MANBA: variants seen among roughly 807,000 people sequenced by gnomAD.
MANBA encodes the protein mannosidase beta.
A neutral mutation model predicts 111.1 loss-of-function variants in MANBA; 83 were observed. The observed-to-expected ratio is 0.75, with a 90% CI of 0.63 to 0.90. The LOEUF (loss-of-function observed/expected upper bound fraction) is 0.90. Ranked by LOEUF, MANBA falls within the 40% of genes least tolerant of loss-of-function variation. MANBA has a pLI of 0.00. For missense variants in MANBA, 1,036 were observed against 1,069.0 expected (o/e 0.97, Z 0.43); for synonymous variants, 370 against 378.7 (o/e 0.98, Z 0.27).
chr4:102,734,628 G>C lies in MANBA; in HGVS notation c.178-7945C>G, dbSNP rs1011410572. 38 of 1,569,980 alleles carry C rather than the reference G, an allele frequency of 2.4e-5. No individual in the cohort carries two copies. The South Asian group carries it at 3.6e-4, about 15-fold the overall frequency. The stretch of plus-strand genomic sequence containing the variant: ...GAAGAAGCGGTAGAAGAGGAGGCCC[G>C]AGGAGCCAGACAGGCAGGGAGAGGG... On this transcript the variant is annotated intron_variant, in intron 1 of 16. Transcript: ENST00000647097.
At chr4:102,687,093 CCTGCCTGTTCAGAGG>C (rs1176576730) in intron 7 of MANBA, among the ~76,000 whole-genome samples, 1 of 152,068 alleles carries the variant, frequency 6.6e-6, no homozygotes, top group Non-Finnish European at 1.5e-5. Context: ...ACAGAGTTGC[CCTGCCTGTTCAGAGG>C]CTGCCTGTTC....
rs1180343470 is a variant in MANBA, at chr4:102,631,313, C to T, written c.*744G>A. The T allele has an allele frequency of 6.4e-6, 1 of 155,224 alleles. No individual in the cohort carries two copies. The highest frequency in any genetic ancestry group is 1.9e-4 in the East Asian group (1 of 5,262). 9.6% of individuals were successfully genotyped at this position (155,224 alleles called of 1,614,324 possible). ...ACTCTTTGCTGGTCCATTCTATAAC[C>T]AATTACATGACTGTTTCCAGAGAAA... On this transcript the variant is annotated 3_prime_UTR_variant, in exon 17 of 17. Transcript: ENST00000647097.
intron 12 of MANBA, among the ~76,000 whole-genome samples, chr4:102,656,983 A>C (rs911480748): frequency 6.6e-6 from 1 of 152,250 alleles, no homozygotes; most frequent in South Asian, 2.1e-4. Flanking sequence ...AGTGATAAAA[A>C]TGTTCTAAAA....
In MANBA at chr4:102,639,775, G is replaced by A. The variant is rs774565122; in HGVS notation, c.1952C>T (p.Thr651Met). 3.1e-6 allele frequency: 5 copies of A among 1,613,950 alleles called. No homozygotes were observed. Among genetic ancestry groups the A allele is most frequent in the Admixed American group, 1.7e-5 (1 of 59,986 alleles). The change falls in exon 14 of 17, where the codon ACG (threonine) becomes ATG (methionine). Residue 651 changes from threonine to methionine, a missense_variant. By Grantham distance (81) the Thr-to-Met change is moderately conservative. Transcript: ENST00000647097. Reference protein sequence around the residue: ...RSEIVDQQGHTMGALYWQLND... With the variant: ...RSEIVDQQGHMMGALYWQLND... Reference sequence around the variant, plus strand: ...CAACTGCCAATAAAGTGCCCCCATCGTGTGCCCTTGCTGATCCACTATCTC... The same window carrying A: ...CAACTGCCAATAAAGTGCCCCCATCATGTGCCCTTGCTGATCCACTATCTC...
rs1553948361 is a variant in MANBA at position 102,690,714 on chromosome 4, G to C, written c.731C>G (p.Ser244Ter). Residue 244 changes from serine (S) to a stop codon, truncating the protein, a stop_gained, in exon 6 of 17, where the codon TCA (serine) becomes TGA (stop). Transcript: ENST00000647097. LOFTEE classifies it high-confidence loss of function. ...EIESTFDVVS[S>*]KPVGGQVIVA... Reference sequence around the variant, plus strand: ...GATCACTTGACCACCAACTGGCTTTGAGCTGACAACATCAAATGTAGACTC... The same window carrying C: ...GATCACTTGACCACCAACTGGCTTTCAGCTGACAACATCAAATGTAGACTC... 5 of 1,606,270 alleles carry C rather than the reference G, an allele frequency of 3.1e-6. No homozygotes were observed. The highest frequency in any genetic ancestry group is 3.4e-6 in the Non-Finnish European group (4 of 1,175,130).
Position 102,632,188 on chromosome 4 carries a change from C to A in MANBA, c.2509G>T (p.Gly837Trp). Reference sequence around the variant, plus strand: ...AGGAAACCATTGTCACTAAATCTCCCTGGGATGCTTCCTACATCCAACCAA... The same window carrying A: ...AGGAAACCATTGTCACTAAATCTCCATGGGATGCTTCCTACATCCAACCAA... Reference protein sequence around the residue: ...FVWLDVGSIPGRFSDNGFLMT... With the variant: ...FVWLDVGSIPWRFSDNGFLMT... The change falls in exon 17 of 17, where the codon GGG becomes TGG. Residue 837 changes from glycine to tryptophan, a missense_variant. Coordinates refer to ENST00000647097, the MANE Select transcript of MANBA (RefSeq NM_005908.4). The A allele has an allele frequency of 1.2e-6, 2 of 1,613,406 alleles. No individual in the cohort carries two copies. Among genetic ancestry groups the A allele is most frequent in the Non-Finnish European group, 1.7e-6 (2 of 1,179,336 alleles).
intron 13 of MANBA, among the ~76,000 whole-genome samples, chr4:102,650,234 T>C (rs1730269128): frequency 6.6e-6 from 1 of 152,234 alleles, no homozygotes; most frequent in Non-Finnish European, 1.5e-5. Context: ...ATTGTTCTAT[T>C]TTATCCTTGG....
chr4:102,728,257 G>A (rs1222917773), intron 1 of MANBA: 23 of 536,424 alleles, frequency 4.3e-5, no homozygotes, highest in Admixed American at 7.7e-5. Flanking sequence ...CAAATGCCCA[G>A]GCACCCTGTT....
At chr4:102,651,585 A>C (rs1730335685) in intron 12 of MANBA, among the ~76,000 whole-genome samples, 1 of 152,150 alleles carries the variant, frequency 6.6e-6, no homozygotes, top group African/African-American at 2.4e-5. Flanking sequence ...CTTTGAAAAA[A>C]CATACTCTGC....
Position 102,760,952 on chromosome 4 carries a change from C to A in MANBA, c.-58G>T. On this transcript the variant is annotated 5_prime_UTR_variant, in exon 1 of 17. Coordinates refer to ENST00000647097, the MANE Select transcript of MANBA (RefSeq NM_005908.4). ...ATCGAAAGGCAGCGCTGCAAGGGACCGGCGGTGAAGCCACTCACCCCCTCG... is the reference window on the plus strand; with the variant it reads ...ATCGAAAGGCAGCGCTGCAAGGGACAGGCGGTGAAGCCACTCACCCCCTCG... 6.7e-7 allele frequency: 1 copy of A among 1,494,414 alleles called. No homozygotes were observed. Among genetic ancestry groups the A allele is most frequent in the Non-Finnish European group, 9.0e-7 (1 of 1,109,356 alleles). The allele number at this position is 1,494,414 out of a possible 1,614,324, so 92.6% of individuals were successfully genotyped here.
At chr4:102,751,421 T>A (rs1723787460) in intron 1 of MANBA, 2 of 480,982 alleles carry the variant, frequency 4.2e-6, no homozygotes, top group Non-Finnish European at 8.4e-6. Flanking sequence ...TCCAAACACA[T>A]TTCTACACCG....
chr4:102,704,060 A>G (rs1048018366), intron 5 of MANBA, among the ~76,000 whole-genome samples: 2 of 151,806 alleles, frequency 1.3e-5, no homozygotes, highest in South Asian at 2.1e-4. Context: ...GCGCCACTGC[A>G]CTCCAGCCTG....
At chr4:102,635,076 G>C (rs751016637) in intron 15 of MANBA, 31 bp from the exon 16 acceptor site, 1 of 1,611,746 alleles carries the variant, frequency 6.2e-7, no homozygotes, top group Non-Finnish European at 8.5e-7. Flanking sequence ...ATAAAAACAG[G>C]CATTCTTGGT....
rs190426297 is a variant in MANBA at position 102,712,235 on chromosome 4, T to A, written c.673+2203A>T. On this transcript the variant is annotated intron_variant, in intron 5 of 16. Transcript: ENST00000647097. The stretch of plus-strand genomic sequence containing the variant: ...AAAAAATGTATTTAACCTTCACCAA[T>A]GTAGTTGAGAGGAGGAACTGTTTAC... 2.1e-3 allele frequency among the ~76,000 whole-genome samples: 324 copies of A among 152,288 alleles called. 2 individuals are homozygous for A. Among genetic ancestry groups the A allele is most frequent in the African/African-American group, 7.5e-3 (313 of 41,558 alleles).
rs769391023 is a variant in MANBA at position 102,635,871 on chromosome 4, T to C, written c.2151A>G (p.Thr717=). 4 of 1,611,956 alleles carry C rather than the reference T, an allele frequency of 2.5e-6. No homozygotes were observed. In the Admixed American group the frequency reaches 5.0e-5, roughly 20 times the overall value. Residue 717 remains threonine, a synonymous_variant, in exon 15 of 17, where the codon ACA becomes ACG. Transcript: ENST00000647097. ...AACAATCCAAGTAACTTACACTGAG[T>C]GTCATCGAATAATCCGAGTGAAGAT... ...VSDLHSDYSM[T]LSVRVHTWSS...
intron 1 of MANBA, chr4:102,730,709 G>T (rs1723002263): frequency 1.9e-6 from 1 of 532,246 alleles, no homozygotes; most frequent in Non-Finnish European, 3.8e-6. Flanking sequence ...GCTCCTTCTG[G>T]ATTCCCTACA....
chr4:102,728,196 G>A, intron 1 of MANBA: 1 of 538,328 alleles, frequency 1.9e-6, no homozygotes, highest in South Asian at 1.4e-5. Flanking sequence ...GGCTGTTCCA[G>A]CTCCCTTGGG....
At chr4:102,635,069 A>T in intron 15 of MANBA, 24 bp from the exon 16 acceptor site, 1 of 1,613,136 alleles carries the variant, frequency 6.2e-7, no homozygotes, top group Non-Finnish European at 8.5e-7. Context: ...AAACAGAATA[A>T]AAACAGGCAT....
intron 7 of MANBA, among the ~76,000 whole-genome samples, chr4:102,686,858 C>T (rs1049834882): frequency 6.6e-6 from 1 of 152,128 alleles, no homozygotes; most frequent in Non-Finnish European, 1.5e-5. Flanking sequence ...GTATTTCATC[C>T]GCTACCATGG....
Sources: gnomAD v4.1 joint callset for allele counts (sites outside exome capture counted in the v4.1 genomes callset) on GRCh38, gnomAD v4.1.1 for gene constraint, MANE v1.5 for transcripts, NCBI Gene and HGNC (gene_info 2026-07-23, HGNC 2026-07-21) for gene names.